UBE2D2: variants seen among roughly 807,000 people sequenced by gnomAD.
The protein encoded by UBE2D2 is ubiquitin conjugating enzyme E2 D2, also known as ubiquitin-conjugating enzyme E2 D2.
UBE2D2 carries 2 observed loss-of-function variants against 24.2 expected under a neutral mutation model. The ratio of observed to expected loss-of-function variants is 0.08; its 90% CI spans 0.03 to 0.26. The LOEUF (loss-of-function observed/expected upper bound fraction) is 0.26. Among genes scored for constraint, UBE2D2 ranks in the 10% least tolerant of loss-of-function variants. The probability of loss-of-function intolerance (pLI) is 1.00; values close to 1 mark genes in which losing one functional copy is unlikely to be tolerated. For missense variants in UBE2D2, 44 were observed against 177.6 expected (o/e 0.25, Z 4.28); for synonymous variants, 58 against 56.5 (o/e 1.03, Z -0.12).
chr5:139,580,601 C>T (rs1753579420), intron 1 of UBE2D2, among the ~76,000 whole-genome samples: 1 of 152,176 alleles, frequency 6.6e-6, no homozygotes, highest in Non-Finnish European at 1.5e-5. Context: ...CATGTGCCAC[C>T]ACACCCGGCT....
At chr5:139,538,377 C>A (rs976276592) in intron 1 of UBE2D2, among the ~76,000 whole-genome samples, 1 of 152,124 alleles carries the variant, frequency 6.6e-6, no homozygotes, top group Non-Finnish European at 1.5e-5. Context: ...AGAAGTAACC[C>A]AAGTGTCCAT....
At chr5:139,604,612 C>A (rs1754157087) in intron 2 of UBE2D2, among the ~76,000 whole-genome samples, 1 of 152,172 alleles carries the variant, frequency 6.6e-6, no homozygotes, top group South Asian at 2.1e-4. Flanking sequence ...GAGCCAGGCA[C>A]AGTGGCTCAT....
chr5:139,604,880 TA>T (rs201379778), intron 2 of UBE2D2, among the ~76,000 whole-genome samples: 9,518 of 127,282 alleles, frequency 0.075, 354 homozygotes, highest in Non-Finnish European at 0.1. Context: ...ACCCAGTCTC[TA>T]AAAAAAAAAA....
chr5:139,620,737 C>G (rs199561628), intron 5 of UBE2D2, among the ~76,000 whole-genome samples: 1 of 152,170 alleles, frequency 6.6e-6, no homozygotes, highest in Admixed American at 6.5e-5. Context: ...GGAATATGAG[C>G]GAATCCTTTC....
At chr5:139,531,374 G>A (rs1026998501) in intron 1 of UBE2D2, among the ~76,000 whole-genome samples, 4 of 152,124 alleles carry the variant, frequency 2.6e-5, no homozygotes, top group African/African-American at 7.2e-5. Context: ...GTCACGTACC[G>A]CCTGCCTGCT....
intron 5 of UBE2D2, among the ~76,000 whole-genome samples, chr5:139,618,229 C>T (rs1754454527): frequency 6.6e-6 from 1 of 152,102 alleles, no homozygotes; most frequent in African/African-American, 2.4e-5. Flanking sequence ...CCGCCTCAGC[C>T]TCCCAAAGTG....
At chr5:139,614,259 A>T (rs923884494) in intron 2 of UBE2D2, among the ~76,000 whole-genome samples, 1 of 152,060 alleles carries the variant, frequency 6.6e-6, no homozygotes, top group Non-Finnish European at 1.5e-5. Flanking sequence ...AGAGTCTTGC[A>T]GTGGCGCAGT....
intron 1 of UBE2D2, among the ~76,000 whole-genome samples, chr5:139,591,062 G>T (rs1448444447): frequency 6.6e-6 from 1 of 150,540 alleles, no homozygotes; most frequent in African/African-American, 2.4e-5. Context: ...ATCCCAAAGT[G>T]CTGGGATTAC....
intron 2 of UBE2D2, among the ~76,000 whole-genome samples, chr5:139,610,202 G>A (rs567618824): frequency 1.3e-5 from 2 of 152,212 alleles, no homozygotes; most frequent in South Asian, 2.1e-4. Context: ...TGAATGAAGA[G>A]TCTACCATAC....
intron 2 of UBE2D2, among the ~76,000 whole-genome samples, chr5:139,614,063 A>C (rs1391909929): frequency 1.6e-5 from 1 of 60,634 alleles, no homozygotes; most frequent in African/African-American, 2.6e-4. Context: ...CTCTGTCTCA[A>C]AAAAAAAAAA....
In UBE2D2 at chr5:139,626,810, A is replaced by G; in HGVS notation, c.*9A>G. 6.2e-7 allele frequency: 1 copy of G among 1,610,844 alleles called. No individual in the cohort carries two copies. The highest frequency in any genetic ancestry group is 8.5e-7 in the Non-Finnish European group (1 of 1,177,600). On this transcript the variant is annotated 3_prime_UTR_variant, in exon 7 of 7. Coordinates refer to ENST00000398733, the MANE Select transcript of UBE2D2 (RefSeq NM_003339.3). ...AGAAGTATGCGATGTAATTAAAGAA[A>G]TTATTGGATAACCTCTACAAATAAA...
In UBE2D2 at chr5:139,614,838, G is replaced by T; in HGVS notation, c.199-23G>T. The T allele has an allele frequency of 2.5e-6, 4 of 1,612,568 alleles. No individual in the cohort carries two copies. The South Asian group carries it at 4.4e-5, about 18-fold the overall frequency. ...TATAATACTAATAAACTAGTTTACA[G>T]AAAGTTTCCTTTCTTTCTGTAGGTT... On this transcript the variant is annotated intron_variant, in intron 4 of 6. Transcript: ENST00000398733.
chr5:139,578,844 A>G lies in UBE2D2; in HGVS notation c.24+17029A>G, dbSNP rs577318777. Among the ~76,000 whole-genome samples, 12 of 152,348 alleles carry G rather than the reference A, an allele frequency of 7.9e-5. No homozygotes were observed. The South Asian group carries it at 1.9e-3, about 24-fold the overall frequency. ...TGTACCTTATTTCGTTGACTCTGAAACACATCAATTGAAAGATGTACCATT... is the reference window on the plus strand; with the variant it reads ...TGTACCTTATTTCGTTGACTCTGAAGCACATCAATTGAAAGATGTACCATT... On this transcript the variant is annotated intron_variant, in intron 1 of 6. Transcript: ENST00000398733.
At chr5:139,583,385 A>G (rs578125895) in intron 1 of UBE2D2, among the ~76,000 whole-genome samples, 1 of 152,346 alleles carries the variant, frequency 6.6e-6, no homozygotes, top group South Asian at 2.1e-4. Context: ...ACATACGTTA[A>G]TTAGCTCAAT....
At chr5:139,580,381 A>G (rs1050717836) in intron 1 of UBE2D2, among the ~76,000 whole-genome samples, 1 of 152,066 alleles carries the variant, frequency 6.6e-6, no homozygotes, top group Non-Finnish European at 1.5e-5. Flanking sequence ...ATCATTTTGA[A>G]TGGCTGAGGA....
chr5:139,545,585 C>G (rs1395407930), intron 1 of UBE2D2, among the ~76,000 whole-genome samples: 2 of 151,870 alleles, frequency 1.3e-5, no homozygotes, highest in Non-Finnish European at 2.9e-5. Context: ...CCCACCATGC[C>G]CAGCTAATTT....
At chr5:139,564,054 G>C (rs144181343) in intron 1 of UBE2D2, among the ~76,000 whole-genome samples, 4 of 152,156 alleles carry the variant, frequency 2.6e-5, no homozygotes, top group African/African-American at 9.6e-5. Context: ...TACTTGCTCT[G>C]GTAATATAGT....
intron 1 of UBE2D2, among the ~76,000 whole-genome samples, chr5:139,544,205 C>T (rs1245601232): frequency 2.0e-5 from 3 of 147,742 alleles, no homozygotes; most frequent in Non-Finnish European, 3.0e-5. Flanking sequence ...GGTCTTGAGA[C>T]GTTACCCAGG....
chr5:139,572,723 G>A (rs1016221863), intron 1 of UBE2D2, among the ~76,000 whole-genome samples: 5 of 148,492 alleles, frequency 3.4e-5, no homozygotes, highest in South Asian at 4.2e-4. Flanking sequence ...TCAGCTCACT[G>A]CAACCTCCGC....
Sources: allele counts gnomAD v4.1 joint callset (sites outside exome capture counted in the v4.1 genomes callset), GRCh38; gene constraint gnomAD v4.1.1; transcripts MANE v1.5; gene names NCBI Gene and HGNC (gene_info 2026-07-23, HGNC 2026-07-21).